HEATR4: variants seen among roughly 807,000 people sequenced by gnomAD.
HEATR4 encodes HEAT repeat-containing protein 4.
Under a neutral mutation model 108.8 loss-of-function variants are expected in HEATR4, and 95 were observed. The observed-to-expected ratio is 0.87, with a 90% CI of 0.74 to 1.04. HEATR4 has a LOEUF of 1.04. Among genes scored for constraint, HEATR4 ranks in the 50% least tolerant of loss-of-function variants. The pLI, the probability that HEATR4 is intolerant of heterozygous loss-of-function variation, is 0.00. For missense variants in HEATR4, 1,152 were observed against 1,253.8 expected (o/e 0.92, Z 1.23); for synonymous variants, 443 against 459.4 (o/e 0.96, Z 0.46).
At chr14:73,587,236 T>C in the HEATR4 span, among the ~76,000 whole-genome samples, 1 of 152,092 alleles carries the variant, frequency 6.6e-6, no homozygotes, top group Non-Finnish European at 1.5e-5. Flanking sequence ...GGTGTCAAGA[T>C]AGACCGTTGA....
the HEATR4 span, among the ~76,000 whole-genome samples, chr14:73,589,945 G>A: frequency 1.3e-4 from 20 of 152,174 alleles, no homozygotes; most frequent in Admixed American, 2.6e-4. Context: ...CGTTCCTCCT[G>A]GTGAGTTCGT....
intron 17 of HEATR4, among the ~76,000 whole-genome samples, chr14:73,487,919 A>T (rs932367876): frequency 2.6e-5 from 4 of 152,228 alleles, no homozygotes; most frequent in Non-Finnish European, 5.9e-5. Context: ...AAGCAACAGC[A>T]AACAGTCTAG....
chr14:73,508,188 A>G lies in HEATR4; in HGVS notation c.1827T>C (p.Asn609=), dbSNP rs1260427051. The part of the protein sequence containing the change: ...RILHQLFTKK[N]EDTEEQSYIL... Reference sequence around the variant, plus strand: ...TATAAGACTGTTCCTCAGTGTCCTCATTCTTCTTTGTAAACAGCTGGTGGA... The same window carrying G: ...TATAAGACTGTTCCTCAGTGTCCTCGTTCTTCTTTGTAAACAGCTGGTGGA... Residue 609 remains asparagine (N), a synonymous_variant, in exon 9 of 18, where the codon AAT becomes AAC. Transcript: ENST00000553558. The G allele has an allele frequency of 1.2e-6, 2 of 1,613,972 alleles. No homozygotes were observed. The highest frequency in any genetic ancestry group is 1.7e-6 in the Non-Finnish European group (2 of 1,179,994).
At chr14:73,559,900 T>G (rs1482333367), upstream of HEATR4, among the ~76,000 whole-genome samples, 1 of 152,078 alleles carries the variant, frequency 6.6e-6, no homozygotes, top group African/African-American at 2.4e-5. Context: ...GATGGTAAAG[T>G]AGAAGCTGTC....
At position 73,500,581 on chromosome 14, in the gene HEATR4, G is replaced by A; in HGVS notation, c.2255C>T (p.Ala752Val). Reference protein sequence around the residue: ...FTAVRRAACLAAGALQIRDKM... With the variant: ...FTAVRRAACLVAGALQIRDKM... ...GTCGCGGATCTGCAGGGCACCAGCT[G>A]CCAAACAGGCTGCCCGCCGAACTGC... Residue 752 changes from alanine (A) to valine (V), a missense_variant, in exon 12 of 18, where the codon GCA (alanine) becomes GTA (valine). By Grantham distance (64) the Ala-to-Val change is moderately conservative. Transcript: ENST00000553558. 1 of 1,613,742 alleles carries A rather than the reference G, an allele frequency of 6.2e-7. No individual in the cohort carries two copies. The highest frequency in any genetic ancestry group is 1.1e-5 in the South Asian group (1 of 91,060).
chr14:73,482,453 C>T (rs1424733776), intron 17 of HEATR4, among the ~76,000 whole-genome samples: 5 of 152,014 alleles, frequency 3.3e-5, no homozygotes, highest in Non-Finnish European at 5.9e-5. Flanking sequence ...ACCCAGAAGG[C>T]GGAGGCTGCA....
At chr14:73,563,123 C>T (rs928805138), upstream of HEATR4, among the ~76,000 whole-genome samples, 20 of 152,138 alleles carry the variant, frequency 1.3e-4, no homozygotes, top group Admixed American at 5.2e-4. Flanking sequence ...GTGGGCATCA[C>T]GGTCCTACCA....
chr14:73,571,884 A>G, the HEATR4 span, among the ~76,000 whole-genome samples: 1 of 152,104 alleles, frequency 6.6e-6, no homozygotes, highest in Non-Finnish European at 1.5e-5. Context: ...GGATACTTTT[A>G]TATTACATAA....
the HEATR4 span, chr14:73,612,634 C>T: frequency 7.1e-7 from 1 of 1,404,398 alleles, no homozygotes; most frequent in Non-Finnish European, 9.3e-7. Flanking sequence ...CGCTGCGCAT[C>T]GCAGTGCGCG....
upstream of HEATR4, among the ~76,000 whole-genome samples, chr14:73,562,994 A>C (rs2108465): frequency 0.74 from 111,660 of 151,624 alleles, 41,564 homozygotes; most frequent in East Asian, 0.94. Flanking sequence ...CTTTGTTAGA[A>C]CCTTATTAGT....
At chr14:73,628,747 C>T in the HEATR4 span, among the ~76,000 whole-genome samples, 5 of 141,350 alleles carry the variant, frequency 3.5e-5, no homozygotes, top group Admixed American at 7.0e-5. Context: ...GAGTGAAACT[C>T]CATCTCAAAA....
At chr14:73,481,947 A>G (rs1595073560) in intron 17 of HEATR4, among the ~76,000 whole-genome samples, 1 of 152,180 alleles carries the variant, frequency 6.6e-6, no homozygotes, top group Non-Finnish European at 1.5e-5. Context: ...GCAGTGAGCC[A>G]TGATCATACC....
At chr14:73,483,709 G>A (rs1402010996) in intron 17 of HEATR4, among the ~76,000 whole-genome samples, 1 of 151,986 alleles carries the variant, frequency 6.6e-6, no homozygotes, top group Non-Finnish European at 1.5e-5. Context: ...ATGGATGATG[G>A]TAGTTATCAA....
chr14:73,573,419 G>A, the HEATR4 span: 5 of 1,613,754 alleles, frequency 3.1e-6, no homozygotes, highest in Non-Finnish European at 4.2e-6. Context: ...TTGTGGACAT[G>A]TTCGGAACTG....
At chr14:73,592,714 C>T in the HEATR4 span, among the ~76,000 whole-genome samples, 7 of 152,050 alleles carry the variant, frequency 4.6e-5, no homozygotes, top group Admixed American at 4.6e-4. Context: ...TTAGTCCAGC[C>T]TGGTGGCACA....
the HEATR4 span, among the ~76,000 whole-genome samples, chr14:73,632,660 A>G: frequency 6.6e-6 from 1 of 151,994 alleles, no homozygotes; most frequent in East Asian, 2.0e-4. Flanking sequence ...CCTGGCCAAC[A>G]TGGTGAAACC....
chr14:73,487,206 G>A (rs1415607410), intron 17 of HEATR4, among the ~76,000 whole-genome samples: 1 of 148,400 alleles, frequency 6.7e-6, no homozygotes, highest in Non-Finnish European at 1.5e-5. Context: ...GAAGAGAAAG[G>A]TAAGCAATGC....
At chr14:73,587,197 T>C in the HEATR4 span, among the ~76,000 whole-genome samples, 1 of 152,000 alleles carries the variant, frequency 6.6e-6, no homozygotes, top group Non-Finnish European at 1.5e-5. Context: ...CAGTCATTCT[T>C]GGGCATTTTT....
chr14:73,496,383 G>A (rs1472141836), intron 15 of HEATR4, among the ~76,000 whole-genome samples: 1 of 147,786 alleles, frequency 6.8e-6, no homozygotes, highest in Non-Finnish European at 1.5e-5. Context: ...AGGACTAATA[G>A]GATTTTTGTT....
Sources: allele counts gnomAD v4.1 joint callset (sites outside exome capture counted in the v4.1 genomes callset), GRCh38; gene constraint gnomAD v4.1.1; transcripts MANE v1.5; gene names NCBI Gene and HGNC (gene_info 2026-07-23, HGNC 2026-07-21).